Variants in GRIK3 observed in about 807,000 individuals in gnomAD.
GRIK3 encodes the protein glutamate ionotropic receptor kainate type subunit 3, also known as glutamate receptor ionotropic, kainate 3.
A neutral mutation model predicts 102.5 loss-of-function variants in GRIK3; 29 were observed. The ratio of observed to expected loss-of-function variants is 0.28; its 90% confidence interval spans 0.21 to 0.39. The LOEUF (loss-of-function observed/expected upper bound fraction) is 0.39, where lower values mean the gene tolerates loss of function less well. Ranked by LOEUF, GRIK3 falls within the 10% of genes least tolerant of loss-of-function variation. GRIK3 has a pLI of 1.00. For missense variants in GRIK3, 908 were observed against 1,252.4 expected, an observed-to-expected ratio of 0.73 and a Z score of 4.15; for synonymous variants, 511 against 504.9, an observed-to-expected ratio of 1.01 and a Z score of -0.16.
intron 1 of GRIK3, among the ~76,000 whole-genome samples, chr1:36,966,406 T>G (rs1366221317): frequency 6.6e-6 from 1 of 152,204 alleles, no homozygotes; most frequent in Non-Finnish European, 1.5e-5. Flanking sequence ...AAGCTTGGAC[T>G]GGGTGGGTCT....
At chr1:36,859,700 A>T (rs369053661) in intron 6 of GRIK3, 144 bp downstream of exon 6, 280 of 689,452 alleles carry the variant, frequency 4.1e-4, no homozygotes, top group Middle Eastern at 2.5e-3. Flanking sequence ...TGTGTCCCCA[A>T]TCCCTAGCCT....
intron 11 of GRIK3, among the ~76,000 whole-genome samples, chr1:36,825,200 G>C (rs1432609510): frequency 1.3e-5 from 2 of 152,180 alleles, no homozygotes; most frequent in Non-Finnish European, 2.9e-5. Flanking sequence ...TTGTGGCTTG[G>C]ATAGACACAC....
intron 1 of GRIK3, among the ~76,000 whole-genome samples, chr1:36,930,794 G>A (rs1641579567): frequency 6.6e-6 from 1 of 152,166 alleles, no homozygotes; most frequent in Non-Finnish European, 1.5e-5. Context: ...GAGTGACTTT[G>A]TCACCACTAT....
chr1:36,855,486 C>T (rs185624201), intron 7 of GRIK3, among the ~76,000 whole-genome samples: 9 of 152,294 alleles, frequency 5.9e-5, no homozygotes, highest in South Asian at 2.1e-4. Flanking sequence ...GGTAAATGTG[C>T]ATATGCAAAC....
In GRIK3 at chr1:36,859,239, A is replaced by G; in HGVS notation, c.973T>C (p.Leu325=). Residue 325 remains leucine (L), a synonymous_variant, in exon 7 of 16, where the codon TTA becomes CTA. Coordinates refer to ENST00000373091, the MANE Select transcript of GRIK3 (RefSeq NM_000831.4). The stretch of plus-strand genomic sequence containing the variant: ...ACGATATGGACGGCGTCGTACAGTA[A>G]GGCTGCATCAGTCTGCAGGGAAGGG... ...LDGVMMTDAA[L]LYDAVHIVSV... is the part of the protein sequence containing the mutation. 1 of 1,608,272 alleles carries G rather than the reference A, an allele frequency of 6.2e-7. No individual in the cohort carries two copies. The highest frequency in any genetic ancestry group is 1.1e-5 in the South Asian group (1 of 90,724).
intron 9 of GRIK3, among the ~76,000 whole-genome samples, chr1:36,849,042 C>A (rs1640551047): frequency 6.6e-6 from 1 of 152,144 alleles, no homozygotes; most frequent in African/African-American, 2.4e-5. Flanking sequence ...CAGATCCTCT[C>A]AATCATCCTA....
chr1:36,958,096 AGC>A, intron 1 of GRIK3, among the ~76,000 whole-genome samples: 1 of 115,686 alleles, frequency 8.6e-6, no homozygotes, highest in East Asian at 2.8e-4. Flanking sequence ...GCGCCCTGTG[AGC>A]CTGTGTGCCC....
intron 1 of GRIK3, among the ~76,000 whole-genome samples, chr1:36,911,541 AGC>A (rs1641345196): frequency 6.6e-6 from 1 of 152,092 alleles, no homozygotes; most frequent in African/African-American, 2.4e-5. Flanking sequence ...GGCAGATCTG[AGC>A]AGAGGATGTG....
At chr1:36,841,674 G>T in intron 10 of GRIK3, 62 bp downstream of exon 10, 1 of 1,393,728 alleles carries the variant, frequency 7.2e-7, no homozygotes, top group Non-Finnish European at 1.0e-6. Flanking sequence ...CTGTGGTGCA[G>T]ACAGTTCTAG....
At chr1:36,917,579 C>T (rs529072300) in intron 1 of GRIK3, among the ~76,000 whole-genome samples, 1 of 152,300 alleles carries the variant, frequency 6.6e-6, no homozygotes, top group East Asian at 1.9e-4. Flanking sequence ...GTGAATAAGT[C>T]TCACGAGATT....
At chr1:37,009,578 G>A (rs912644890) in intron 1 of GRIK3, among the ~76,000 whole-genome samples, 3 of 152,214 alleles carry the variant, frequency 2.0e-5, no homozygotes, top group African/African-American at 7.2e-5. Flanking sequence ...TGAAACGGCA[G>A]TGTGTATGGC....
chr1:36,863,938 C>T (rs754677724), intron 5 of GRIK3, among the ~76,000 whole-genome samples: 8 of 152,164 alleles, frequency 5.3e-5, no homozygotes, highest in Non-Finnish European at 1.2e-4. Flanking sequence ...ACATCCTCCT[C>T]TCAGGGGCAG....
intron 1 of GRIK3, among the ~76,000 whole-genome samples, chr1:36,914,789 G>C (rs1020439200): frequency 2.0e-5 from 3 of 152,202 alleles, no homozygotes; most frequent in Non-Finnish European, 2.9e-5. Flanking sequence ...GTGACCGGTT[G>C]TTTTAACACA....
rs140598848 is a variant in GRIK3, at chr1:36,850,870, G to T, written c.1213-446C>A. Among the ~76,000 whole-genome samples the T allele has an allele frequency of 1.5e-3, 223 of 152,210 alleles. No individual in the cohort carries two copies. Among genetic ancestry groups the T allele is most frequent in the Non-Finnish European group, 2.6e-3 (180 of 68,038 alleles). ...GCACAAGGAGGGGATGGACCTCACT[G>T]GGAAATGCTGCTGGGTTTAAAGGCA... On this transcript the variant is annotated intron_variant, in intron 8 of 15. Transcript: ENST00000373091. This position sits in a 1 kb window ranked among gnomAD's most constrained non-coding sequence, Gnocchi z 4.0.
At chr1:36,968,319 G>A (rs948526281) in intron 1 of GRIK3, among the ~76,000 whole-genome samples, 34 of 148,378 alleles carry the variant, frequency 2.3e-4, no homozygotes, top group African/African-American at 7.5e-4. Flanking sequence ...TTTTGTCTCC[G>A]CCCTTCCTGT....
intron 13 of GRIK3, among the ~76,000 whole-genome samples, chr1:36,809,731 C>A (rs914100672): frequency 2.6e-5 from 4 of 152,106 alleles, no homozygotes; most frequent in Non-Finnish European, 5.9e-5. Flanking sequence ...CAGTTGGGGG[C>A]TGAAGGGAGT....
At chr1:36,921,519 C>T (rs905926473) in intron 1 of GRIK3, among the ~76,000 whole-genome samples, 3 of 152,166 alleles carry the variant, frequency 2.0e-5, no homozygotes, top group Non-Finnish European at 2.9e-5. Flanking sequence ...AGATGCTGCA[C>T]ACACAGCCCT....
At chr1:36,860,366 T>C (rs369023173) in intron 5 of GRIK3, among the ~76,000 whole-genome samples, 8 of 152,338 alleles carry the variant, frequency 5.3e-5, no homozygotes, top group African/African-American at 1.9e-4. Context: ...TGAGGCTGCT[T>C]CCTTTCAAAA....
At chr1:36,919,369 AT>A (rs1641442013) in intron 1 of GRIK3, among the ~76,000 whole-genome samples, 1 of 149,136 alleles carries the variant, frequency 6.7e-6, no homozygotes, top group Non-Finnish European at 1.5e-5. Flanking sequence ...ATTTTATTTT[AT>A]TTTATTTATT....
Sources: gnomAD v4.1 joint callset for allele counts (sites outside exome capture counted in the v4.1 genomes callset) on GRCh38, gnomAD v4.1.1 for gene constraint, Gnocchi (gnomAD v3.1) non-coding constraint, MANE v1.5 for transcripts, NCBI Gene and HGNC (gene_info 2026-07-23, HGNC 2026-07-21) for gene names.